The following C8orf89 variants were observed in gnomAD, a reference collection of about 807,000 sequenced individuals.
C8orf89 encodes the protein putative uncharacterized protein C8orf89.
In C8orf89, 14 loss-of-function variants were observed where a neutral mutation model predicts 15.8. That is an observed-to-expected ratio of 0.89 (90% confidence interval 0.59 to 1.39). C8orf89 has a LOEUF of 1.39. C8orf89 is among the 40% of genes most tolerant of loss of function. C8orf89 has a pLI of 0.00. For missense variants in C8orf89, 181 were observed against 184.5 expected (o/e 0.98, Z 0.11); for synonymous variants, 55 against 62.2 (o/e 0.88, Z 0.54).
chr8:73,280,772 C>CATAT, the C8orf89 span, among the ~76,000 whole-genome samples: 1 of 150,364 alleles, frequency 6.7e-6, no homozygotes, highest in South Asian at 2.1e-4. Flanking sequence ...TACATACATA[C>CATAT]ATATATACAT....
intron 2 of C8orf89, among the ~76,000 whole-genome samples, chr8:73,253,829 T>G (rs1278960365): frequency 5.4e-5 from 8 of 149,100 alleles, no homozygotes; most frequent in Non-Finnish European, 8.8e-5. Flanking sequence ...AAGGAGATTT[T>G]GGGCTGAGAT....
chr8:73,269,508 G>A, the C8orf89 span, among the ~76,000 whole-genome samples: 1 of 152,198 alleles, frequency 6.6e-6, no homozygotes, highest in Non-Finnish European at 1.5e-5. Flanking sequence ...TCTGCACTGG[G>A]TGAGAAGCAA....
chr8:73,252,383 G>T (rs1488483232), intron 2 of C8orf89, among the ~76,000 whole-genome samples: 1 of 151,936 alleles, frequency 6.6e-6, no homozygotes, highest in Admixed American at 6.6e-5. Context: ...TTTTTAAAAA[G>T]GCAGGATAAA....
At position 73,257,107 on chromosome 8, in the gene C8orf89, A is replaced by G. The variant is rs1563533173; in HGVS notation, c.147T>C (p.Gly49=). ...TGATACATTCCTTGAGCTCTTCTAG[A>G]CCAAATGCTGTGGTATATTCTGGTT... ...KIKKEYTTAF[G]LEELKECIKM... Residue 49 remains glycine, a synonymous_variant, in exon 2 of 4, where the codon GGT becomes GGC. Transcript: ENST00000624510. 2 of 1,533,772 alleles carry G rather than the reference A, an allele frequency of 1.3e-6. No homozygotes were observed. Among genetic ancestry groups the G allele is most frequent in the Non-Finnish European group, 8.7e-7 (1 of 1,145,544 alleles).
At chr8:73,265,844 C>T in the C8orf89 span, among the ~76,000 whole-genome samples, 1 of 152,178 alleles carries the variant, frequency 6.6e-6, no homozygotes, top group Non-Finnish European at 1.5e-5. Flanking sequence ...CAGTACCTGA[C>T]ATCATCATGC....
the C8orf89 span, chr8:73,277,623 A>G: frequency 3.9e-6 from 3 of 762,572 alleles, 1 homozygote; most frequent in South Asian, 2.7e-5. Flanking sequence ...TTTGTGGACC[A>G]TAGAACTTTT....
the C8orf89 span, chr8:73,277,490 C>T: frequency 2.3e-6 from 2 of 868,794 alleles, no homozygotes; most frequent in Non-Finnish European, 3.8e-6. Context: ...TTTCCTGATG[C>T]CACCACGAAA....
the C8orf89 span, among the ~76,000 whole-genome samples, chr8:73,271,979 G>A: frequency 1.3e-5 from 2 of 152,178 alleles, no homozygotes; most frequent in Non-Finnish European, 2.9e-5. Flanking sequence ...TCAGACCACA[G>A]TAAGGGATCC....
intron 3 of C8orf89, among the ~76,000 whole-genome samples, 184 bp from the exon 4 acceptor site, chr8:73,241,789 T>C (rs1019290621): frequency 4.6e-5 from 7 of 151,520 alleles, no homozygotes; most frequent in Admixed American, 6.6e-5. Context: ...CACAAACCAA[T>C]AGAACAGAAT....
At chr8:73,252,386 A>G (rs1344322958) in intron 2 of C8orf89, among the ~76,000 whole-genome samples, 1 of 152,216 alleles carries the variant, frequency 6.6e-6, no homozygotes, top group Non-Finnish European at 1.5e-5. Flanking sequence ...TTAAAAAGGC[A>G]GGATAAAAAT....
the C8orf89 span, among the ~76,000 whole-genome samples, chr8:73,284,386 G>C: frequency 6.6e-6 from 1 of 151,746 alleles, no homozygotes; most frequent in Non-Finnish European, 1.5e-5. Flanking sequence ...GTTAATTTTT[G>C]TATTTTTAGT....
At chr8:73,263,130 T>C (rs1231340906), upstream of C8orf89, among the ~76,000 whole-genome samples, 2 of 152,208 alleles carry the variant, frequency 1.3e-5, no homozygotes, top group Admixed American at 1.3e-4. Flanking sequence ...AGAGAACTAG[T>C]GTTGAGATAA....
At chr8:73,276,894 C>T in the C8orf89 span, among the ~76,000 whole-genome samples, 89,337 of 148,258 alleles carry the variant, frequency 0.6, 27,093 homozygotes, top group South Asian at 0.76. Flanking sequence ...GCAACCTCCA[C>T]CTCCCAGGTT....
At chr8:73,249,985 T>G (rs1813212504) in intron 3 of C8orf89, among the ~76,000 whole-genome samples, 1 of 152,038 alleles carries the variant, frequency 6.6e-6, no homozygotes, top group Non-Finnish European at 1.5e-5. Context: ...TTTGTGGTAT[T>G]GAAGGATTTC....
the C8orf89 span, among the ~76,000 whole-genome samples, chr8:73,276,672 C>CA: frequency 1.3e-5 from 2 of 151,934 alleles, no homozygotes; most frequent in Admixed American, 1.3e-4. Flanking sequence ...ACACACAAGC[C>CA]AAAAAACCTT....
chr8:73,250,850 G>A (rs1273622842), intron 2 of C8orf89, among the ~76,000 whole-genome samples: 2 of 152,020 alleles, frequency 1.3e-5, no homozygotes, highest in Non-Finnish European at 2.9e-5. Flanking sequence ...CTCCCAGGCT[G>A]GAGTGGCACA....
At chr8:73,282,098 G>A in the C8orf89 span, among the ~76,000 whole-genome samples, 1 of 152,170 alleles carries the variant, frequency 6.6e-6, no homozygotes, top group Non-Finnish European at 1.5e-5. Flanking sequence ...CTAGCAATAG[G>A]CTAATACATG....
intron 3 of C8orf89, among the ~76,000 whole-genome samples, 163 bp downstream of exon 3, chr8:73,250,105 A>G (rs1357434699): frequency 6.6e-6 from 1 of 152,214 alleles, no homozygotes; most frequent in Non-Finnish European, 1.5e-5. Context: ...GTATGTTTAT[A>G]ATGAACCCAA....
chr8:73,261,177 TGA>T (rs1813523161), upstream of C8orf89, among the ~76,000 whole-genome samples: 1 of 152,168 alleles, frequency 6.6e-6, no homozygotes, highest in African/African-American at 2.4e-5. Context: ...TGTGATCACG[TGA>T]GTCAATACTC....
Sources: gnomAD v4.1 joint callset for allele counts (sites outside exome capture counted in the v4.1 genomes callset) on GRCh38, gnomAD v4.1.1 for gene constraint, MANE v1.5 for transcripts, NCBI Gene and HGNC (gene_info 2026-07-23, HGNC 2026-07-21) for gene names.